The following IQSEC1 variants were observed in gnomAD, a reference collection of about 807,000 sequenced individuals.
IQSEC1 encodes IQ motif and Sec7 domain ArfGEF 1, also known as IQ motif and SEC7 domain-containing protein 1.
IQSEC1 carries 31 observed loss-of-function variants against 91.0 expected under a neutral mutation model. The ratio of observed to expected loss-of-function variants is 0.34; its 90% CI spans 0.26 to 0.46. IQSEC1 has a LOEUF of 0.46. Ranked by LOEUF, IQSEC1 falls within the 20% of genes least tolerant of loss-of-function variation. IQSEC1 has a pLI of 1.00. For missense variants in IQSEC1, 1,388 were observed against 1,575.6 expected (o/e 0.88, Z 2.02); for synonymous variants, 699 against 662.6 (o/e 1.05, Z -0.84).
rs1271434190 is a variant in IQSEC1, at chr3:12,967,191, C to G, written c.24-25326G>C. On this transcript the variant is annotated intron_variant, in intron 1 of 13. Transcript: ENST00000613206. The surrounding 1 kb of genome is among the most constrained non-coding windows in gnomAD (Gnocchi z 5.9). ...CGCGTCTCTCTCTCCCACGCACAAA[C>G]TCGGGTCCTGTTTGCTCTTCTCTCA... Among the ~76,000 whole-genome samples, 1 of 152,192 alleles carries G rather than the reference C, an allele frequency of 6.6e-6. No homozygotes were observed. Among genetic ancestry groups the G allele is most frequent in the Non-Finnish European group, 1.5e-5 (1 of 68,020 alleles).
intron 1 of IQSEC1, among the ~76,000 whole-genome samples, chr3:12,957,465 T>A (rs978501772): frequency 6.6e-6 from 1 of 152,162 alleles, no homozygotes; most frequent in Non-Finnish European, 1.5e-5. Flanking sequence ...CTGAGCCAAA[T>A]TAAATACAGA....
intron 1 of IQSEC1, among the ~76,000 whole-genome samples, chr3:13,274,362 T>C (rs1355418598): frequency 6.6e-6 from 1 of 152,234 alleles, no homozygotes; most frequent in Non-Finnish European, 1.5e-5. Flanking sequence ...GCAAGGACCC[T>C]CCTGCCCTAC....
chr3:13,139,994 T>C (rs1244999845), intron 2 of IQSEC1, among the ~76,000 whole-genome samples: 1 of 152,200 alleles, frequency 6.6e-6, no homozygotes, highest in Non-Finnish European at 1.5e-5. Context: ...ATAAAGGTGT[T>C]GGAGGCTCAC....
At chr3:12,958,313 A>G (rs1700043354) in intron 1 of IQSEC1, among the ~76,000 whole-genome samples, 2 of 152,090 alleles carry the variant, frequency 1.3e-5, no homozygotes. Context: ...AACCTCCCCT[A>G]CCTACAACAT....
chr3:13,196,593 G>A (rs1694131117), intron 1 of IQSEC1, among the ~76,000 whole-genome samples: 1 of 152,246 alleles, frequency 6.6e-6, no homozygotes, highest in Admixed American at 6.5e-5. Flanking sequence ...AGGCCACAGG[G>A]AGGGCTGCGT....
intron 1 of IQSEC1, among the ~76,000 whole-genome samples, chr3:13,056,350 G>A (rs942066672): frequency 6.6e-6 from 1 of 151,480 alleles, no homozygotes; most frequent in Non-Finnish European, 1.5e-5. Flanking sequence ...CCATCTACAG[G>A]GCAAATACAG....
chr3:13,100,585 T>A (rs1453513174), intron 2 of IQSEC1, among the ~76,000 whole-genome samples: 1 of 148,528 alleles, frequency 6.7e-6, no homozygotes, highest in Non-Finnish European at 1.5e-5. Flanking sequence ...GGTCACTGAT[T>A]TTCAGGTCAG....
rs1023507075 is a variant in IQSEC1 at position 12,967,166 on chromosome 3, C to A, written c.24-25301G>T. Among the ~76,000 whole-genome samples, 18 of 152,158 alleles carry A rather than the reference C, an allele frequency of 1.2e-4. No individual in the cohort carries two copies. The highest frequency in any genetic ancestry group is 4.3e-4 in the African/African-American group (18 of 41,444). ...ACACACAGCGCTCCTGTCCCAAGGG[C>A]GCGTCTCTCTCTCCCACGCACAAAC... On this transcript the variant is annotated intron_variant, in intron 1 of 13. Transcript: ENST00000613206. This position sits in a 1 kb window ranked among gnomAD's most constrained non-coding sequence, Gnocchi z 5.9.
rs111660488 is a variant in IQSEC1 at position 12,936,183 on chromosome 3, T to C, written c.833A>G (p.Lys278Arg). 2 of 1,612,848 alleles carry C rather than the reference T, an allele frequency of 1.2e-6. No individual in the cohort carries two copies. The highest frequency in any genetic ancestry group is 1.7e-6 in the Non-Finnish European group (2 of 1,179,960). ...QTALHGMDHR[K>R]LDEMTASYSD... ...GTACGAGGCCGTCATCTCGTCCAGT[T>C]TGCGGTGGTCCATGCCGTGCAGGGC... The change falls in exon 3 of 14, where the codon AAA becomes AGA. Residue 278 changes from lysine (K) to arginine (R), a missense_variant. Lys to Arg is a conservative substitution (Grantham distance 26). This residue lies in a region of IQSEC1 where 1,059 missense variants were observed against 1,317.8 expected (regional missense o/e 0.80). Coordinates refer to ENST00000613206, the MANE Select transcript of IQSEC1 (RefSeq NM_001134382.3).
chr3:13,175,407 C>T (rs879343975), intron 1 of IQSEC1, among the ~76,000 whole-genome samples: 20 of 152,162 alleles, frequency 1.3e-4, no homozygotes, highest in South Asian at 6.2e-4. Flanking sequence ...GTCAGGAGGC[C>T]GGCTGTAGTT....
chr3:13,178,882 C>T (rs188999142), intron 1 of IQSEC1, among the ~76,000 whole-genome samples: 1 of 152,160 alleles, frequency 6.6e-6, no homozygotes, highest in African/African-American at 2.4e-5. Context: ...AAGCTTGAAC[C>T]TTACATTTGT....
At chr3:13,020,932 A>C (rs1703368644) in intron 1 of IQSEC1, among the ~76,000 whole-genome samples, 1 of 152,244 alleles carries the variant, frequency 6.6e-6, no homozygotes, top group South Asian at 2.1e-4. Context: ...CAAGGAAAGA[A>C]GGAGAAATAG....
At position 12,900,993 on chromosome 3, in the gene IQSEC1, G is replaced by A. The variant is rs1489149358; in HGVS notation, c.3335C>T (p.Thr1112Ile). 3 of 1,544,762 alleles carry A rather than the reference G, an allele frequency of 1.9e-6. No individual in the cohort carries two copies. Among genetic ancestry groups the A allele is most frequent in the Non-Finnish European group, 8.7e-7 (1 of 1,146,788 alleles). Residue 1112 changes from threonine to isoleucine, a missense_variant, in exon 14 of 14, where the codon ACA becomes ATA. This residue lies in a region of IQSEC1 where 329 missense variants were observed against 257.8 expected (regional missense o/e 1.28). Transcript: ENST00000613206. ...CCCTACCCAGGCTGTCTACACAATT[G>A]TGCTGATGCCGCTGGGTTTGGCCTT... ...SSKAKPSGIS[T>I]IV
chr3:13,134,955 G>T (rs373238663), intron 2 of IQSEC1, among the ~76,000 whole-genome samples: 54 of 152,256 alleles, frequency 3.5e-4, no homozygotes, highest in African/African-American at 1.2e-3. Flanking sequence ...CTCTGCAAGG[G>T]GGATCACCCC....
At chr3:13,002,444 G>A (rs997076465) in intron 1 of IQSEC1, among the ~76,000 whole-genome samples, 4 of 151,946 alleles carry the variant, frequency 2.6e-5, no homozygotes, top group Non-Finnish European at 4.4e-5. Context: ...CACTTTGGGA[G>A]GCAGAGGCAG....
chr3:13,121,904 C>T (rs147846644), intron 2 of IQSEC1, among the ~76,000 whole-genome samples: 5 of 152,210 alleles, frequency 3.3e-5, no homozygotes, highest in African/African-American at 7.2e-5. Context: ...GGCTCGGGGA[C>T]GGCCACGGCA....
intron 2 of IQSEC1, among the ~76,000 whole-genome samples, chr3:13,163,912 T>A (rs1693409999): frequency 6.6e-6 from 1 of 152,148 alleles, no homozygotes; most frequent in African/African-American, 2.4e-5. Context: ...TGCTCCAGGA[T>A]GCAGAGCCAA....
intron 2 of IQSEC1, among the ~76,000 whole-genome samples, chr3:13,106,184 T>C (rs1307364698): frequency 6.6e-6 from 1 of 152,016 alleles, no homozygotes; most frequent in Non-Finnish European, 1.5e-5. Context: ...CCTTCCATAA[T>C]CTCAGCCTGG....
At chr3:13,085,909 G>A (rs1705727886) in intron 2 of IQSEC1, among the ~76,000 whole-genome samples, 1 of 152,194 alleles carries the variant, frequency 6.6e-6, no homozygotes, top group South Asian at 2.1e-4. Flanking sequence ...CCTGCAGGTG[G>A]CTGTCACCCG....
Sources: allele counts gnomAD v4.1 joint callset (sites outside exome capture counted in the v4.1 genomes callset), GRCh38; gene constraint gnomAD v4.1.1; regional missense constraint gnomAD v4.1.1; non-coding constraint Gnocchi (gnomAD v3.1); transcripts MANE v1.5; gene names NCBI Gene and HGNC (gene_info 2026-07-23, HGNC 2026-07-21).